The following AZIN2 variants were observed in gnomAD, a reference collection of about 807,000 sequenced individuals.
AZIN2 encodes antizyme inhibitor 2, also known as ODC antizyme inhibitor-2.
In AZIN2, 28 loss-of-function variants were observed where a neutral mutation model predicts 47.8. The observed-to-expected ratio is 0.59, with a 90% CI of 0.43 to 0.80. The LOEUF is 0.80. Among genes scored for constraint, AZIN2 ranks in the 30% least tolerant of loss-of-function variants. The probability of loss-of-function intolerance (pLI) is 0.00; values close to 1 mark genes in which losing one functional copy is unlikely to be tolerated. For synonymous variants in AZIN2, 221 were observed against 239.4 expected, an observed-to-expected ratio of 0.92 and a Z score of 0.71; for missense variants, 535 against 582.5, an observed-to-expected ratio of 0.92 and a Z score of 0.84.
intron 9 of AZIN2, 58 bp from the exon 10 acceptor site, chr1:33,098,009 C>T: frequency 7.7e-7 from 1 of 1,305,314 alleles, no homozygotes; most frequent in Non-Finnish European, 1.1e-6. Flanking sequence ...TGTGTCAGCC[C>T]CACTACCACC....
At chr1:33,150,952 G>A in the AZIN2 span, among the ~76,000 whole-genome samples, 2 of 152,124 alleles carry the variant, frequency 1.3e-5, no homozygotes, top group Non-Finnish European at 2.9e-5. Context: ...TATCTAAGGC[G>A]CCTGGGTGAT....
At chr1:33,146,890 A>C in the AZIN2 span, 2 of 438,918 alleles carry the variant, frequency 4.6e-6, no homozygotes, top group East Asian at 4.2e-5. Context: ...CCCTGAGAAG[A>C]TGGGGATGAG....
At chr1:33,098,468 C>T (rs1481937353) in intron 10 of AZIN2, among the ~76,000 whole-genome samples, 1 of 152,154 alleles carries the variant, frequency 6.6e-6, no homozygotes, top group Non-Finnish European at 1.5e-5. Context: ...TCTTTGACAA[C>T]ATGCTTTTGT....
chr1:33,087,457 G>C (rs997893868), intron 5 of AZIN2, among the ~76,000 whole-genome samples: 2 of 144,930 alleles, frequency 1.4e-5, no homozygotes, highest in African/African-American at 2.6e-5. Flanking sequence ...TTTTTTTTGA[G>C]ACAGAGTCTT....
chr1:33,147,887 C>T, the AZIN2 span, among the ~76,000 whole-genome samples: 4 of 152,294 alleles, frequency 2.6e-5, no homozygotes, highest in Admixed American at 2.6e-4. This position sits in a 1 kb window ranked among gnomAD's most constrained non-coding sequence, Gnocchi z 8.1. Context: ...CCTCATCTTC[C>T]TCCTCTGTAG....
chr1:33,155,426 A>G, the AZIN2 span, among the ~76,000 whole-genome samples: 1 of 152,020 alleles, frequency 6.6e-6, no homozygotes. Context: ...GAACAGAAGA[A>G]TGAATCCAGC....
chr1:33,093,463 G>A (rs1642800660), intron 7 of AZIN2, 47 bp downstream of exon 7: 1 of 1,595,706 alleles, frequency 6.3e-7, no homozygotes, highest in Non-Finnish European at 8.5e-7. Flanking sequence ...CAGGCTCCCT[G>A]CCTCTTTCCC....
At position 33,096,729 on chromosome 1, in the gene AZIN2, C is replaced by T. The variant is rs1643195669; in HGVS notation, c.776C>T (p.Ala259Val). The change falls in exon 9 of 12, where the codon GCC becomes GTC. Residue 259 changes from alanine to valine, a missense_variant. Physicochemically the swap from Ala to Val is moderately conservative, Grantham distance 64. Around this residue, in one of 3 missense-constraint regions of AZIN2, gnomAD observed 409 missense variants for 429.0 expected, o/e 0.95. Transcript: ENST00000294517. ...CAGATTGCTTCCGTGATCAACTCAG[C>T]CTTGGACCTGTACTTCCCAGAGGGC... is the stretch of plus-strand genomic sequence containing the variant. Reference protein sequence around the residue: ...FEEIASVINSALDLYFPEGCG... With the variant: ...FEEIASVINSVLDLYFPEGCG... The T allele has an allele frequency of 1.2e-6, 2 of 1,614,150 alleles. No individual in the cohort carries two copies. Among genetic ancestry groups the T allele is most frequent in the South Asian group, 2.2e-5 (2 of 91,094 alleles).
chr1:33,151,124 G>A, the AZIN2 span, among the ~76,000 whole-genome samples: 1 of 151,954 alleles, frequency 6.6e-6, no homozygotes, highest in African/African-American at 2.4e-5. Context: ...GGGCACCCTA[G>A]GAGGGAGACA....
chr1:33,095,132 C>A (rs1007100661), intron 8 of AZIN2, among the ~76,000 whole-genome samples: 1 of 152,212 alleles, frequency 6.6e-6, no homozygotes, highest in African/African-American at 2.4e-5. Context: ...CTTTTCCTTA[C>A]CCACTGTGAG....
rs1644802550 is a variant in AZIN2, at chr1:33,121,928, C to T, written c.*1746C>T. Among the ~76,000 whole-genome samples, 1 of 152,156 alleles carries T rather than the reference C, an allele frequency of 6.6e-6. No individual in the cohort carries two copies. On this transcript the variant is annotated 3_prime_UTR_variant, in exon 12 of 12. Coordinates refer to ENST00000294517, the MANE Select transcript of AZIN2 (RefSeq NM_052998.4). The stretch of plus-strand genomic sequence containing the variant: ...GAGTGAACGAGGTGCTTTCTCAAAG[C>T]CAGGGGTGTCTCCCTTTTCCAGGTG...
chr1:33,154,875 T>C, the AZIN2 span, among the ~76,000 whole-genome samples: 1 of 150,466 alleles, frequency 6.6e-6, no homozygotes, highest in South Asian at 2.1e-4. Context: ...GGGCAGAACA[T>C]GAGGTCAGGA....
the AZIN2 span, among the ~76,000 whole-genome samples, chr1:33,141,264 C>T: frequency 6.6e-6 from 1 of 152,040 alleles, no homozygotes; most frequent in Non-Finnish European, 1.5e-5. Flanking sequence ...CTCCTCTGAG[C>T]ACCTCCCTCC....
At chr1:33,093,493 G>A in intron 7 of AZIN2, 77 bp downstream of exon 7, 3 of 1,539,978 alleles carry the variant, frequency 1.9e-6, no homozygotes, top group South Asian at 2.5e-5. Flanking sequence ...TTCTATATGA[G>A]ACCTTCCCCA....
chr1:33,142,507 C>G, the AZIN2 span: 20 of 152,386 alleles, frequency 1.3e-4, no homozygotes, highest in East Asian at 3.7e-3. Context: ...AATTAATCAA[C>G]TAGAATAGAT....
chr1:33,120,079 A>G lies in AZIN2; in HGVS notation c.1280A>G (p.Gln427Arg), dbSNP rs569906531. Residue 427 changes from glutamine to arginine, a missense_variant, in exon 12 of 12, where the codon CAG (glutamine) becomes CGG (arginine). Gln to Arg is a conservative substitution (Grantham distance 43, BLOSUM62 1). Transcript: ENST00000294517. ...CGAAGGCAGCTGATGGCTGCAGAAC[A>G]GGAGGATGACGTGGAGGGTGTGTGC... ...ALRRQLMAAE[Q>R]EDDVEGVCKP... 1.1e-4 allele frequency: 173 copies of G among 1,613,914 alleles called. 1 individual carries two copies. The South Asian group carries it at 1.7e-3, about 16-fold the overall frequency.
chr1:33,087,939 A>G (rs959519072), intron 5 of AZIN2, among the ~76,000 whole-genome samples: 1 of 152,138 alleles, frequency 6.6e-6, no homozygotes, highest in African/African-American at 2.4e-5. Flanking sequence ...TAGCTTTCTA[A>G]TCTGCATATT....
chr1:33,116,735 G>A (rs1172212331), intron 10 of AZIN2, among the ~76,000 whole-genome samples: 2 of 152,306 alleles, frequency 1.3e-5, no homozygotes, highest in African/African-American at 4.8e-5. Flanking sequence ...AGGGAGCATG[G>A]AGCTTTAGGA....
chr1:33,095,826 A>C (rs1470240941), intron 8 of AZIN2, among the ~76,000 whole-genome samples: 1 of 152,098 alleles, frequency 6.6e-6, no homozygotes, highest in Non-Finnish European at 1.5e-5. Context: ...TCTTACAATA[A>C]AGTAAGCTAG....
Sources: allele counts gnomAD v4.1 joint callset (sites outside exome capture counted in the v4.1 genomes callset), GRCh38; gene constraint gnomAD v4.1.1; regional missense constraint gnomAD v4.1.1; non-coding constraint Gnocchi (gnomAD v3.1); transcripts MANE v1.5; gene names NCBI Gene and HGNC (gene_info 2026-07-23, HGNC 2026-07-21).